The following AGRN variants were observed in gnomAD, a reference collection of about 807,000 sequenced individuals.
AGRN encodes agrin proteoglycan.
AGRN carries 106 observed loss-of-function variants against 211.0 expected under a neutral mutation model. The observed-to-expected ratio is 0.50, with a 90% CI of 0.43 to 0.59. AGRN has a LOEUF of 0.59. AGRN is among the 20% of genes least tolerant of loss of function. The pLI, the probability that AGRN is intolerant of heterozygous loss-of-function variation, is 0.00. For synonymous variants in AGRN, 1,525 were observed against 1,332.5 expected (o/e 1.14, Z -3.15); for missense variants, 3,040 against 2,982.6 (o/e 1.02, Z -0.45).
At position 1,048,850 on chromosome 1, in the gene AGRN, C is replaced by A; in HGVS notation, c.4106-17C>A. On this transcript the variant is annotated splice_polypyrimidine_tract_variant and intron_variant, in intron 23 of 35. Coordinates refer to ENST00000379370, the MANE Select transcript of AGRN (RefSeq NM_198576.4). This position sits in a 1 kb window ranked among gnomAD's most constrained non-coding sequence, Gnocchi z 5.9. ...CTCGGAGCTTTTCCAGCCGGCCCTC[C>A]CGGTCGCCCTTTGCAGTGCTTGGCG... is the stretch of plus-strand genomic sequence containing the variant. 1 of 1,525,528 alleles carries A rather than the reference C, an allele frequency of 6.6e-7. No homozygotes were observed. The allele number at this position is 1,525,528 out of a possible 1,614,324, so 94.5% of individuals were successfully genotyped here.
chr1:1,035,165 G>C lies in AGRN; in HGVS notation c.464-112G>C, dbSNP rs567725793. ...TCAGCAGCCTGGATCCCTGGGGCTAGCGGTGGGGGGGGGGGGGTGGGCAGG... is the reference window on the plus strand; with the variant it reads ...TCAGCAGCCTGGATCCCTGGGGCTACCGGTGGGGGGGGGGGGGTGGGCAGG... On this transcript the variant is annotated intron_variant, in intron 2 of 35. Coordinates refer to ENST00000379370, the MANE Select transcript of AGRN (RefSeq NM_198576.4). The C allele has an allele frequency of 4.3e-4, 495 of 1,159,512 alleles. 1 individual carries two copies. In the South Asian group the frequency reaches 4.3e-3, roughly 10 times the overall value. The allele number at this position is 1,159,512 out of a possible 1,614,324, so 71.8% of individuals were successfully genotyped here.
chr1:1,036,376 G>A (rs1308539666), intron 3 of AGRN, among the ~76,000 whole-genome samples: 6 of 152,230 alleles, frequency 3.9e-5, no homozygotes, highest in East Asian at 1.9e-4. Context: ...GTCTTCCCTC[G>A]GAGTGTGGAG....
rs777677036 is a variant in AGRN, at chr1:1,043,645, G to C, written c.1711G>C (p.Gly571Arg). 1 of 1,602,190 alleles carries C rather than the reference G, an allele frequency of 6.2e-7. No individual in the cohort carries two copies. Among genetic ancestry groups the C allele is most frequent in the South Asian group, 1.1e-5 (1 of 91,062 alleles). The change falls in exon 9 of 36, where the codon GGG becomes CGG. Residue 571 changes from glycine (G) to arginine (R), a missense_variant. By Grantham distance (125) the Gly-to-Arg change is moderately radical. Around this residue, in one of 3 missense-constraint regions of AGRN, gnomAD observed 1,498 missense variants for 1,457.8 expected, o/e 1.03. Transcript: ENST00000379370. ...GGCCCAGCCCGTGTGTGGCTCCGAC[G>C]GGCACACGTACCCCAGCGAGTGCAT... is the stretch of plus-strand genomic sequence containing the variant. Reference protein sequence around the residue: ...ALAQPVCGSDGHTYPSECMLH... With the variant: ...ALAQPVCGSDRHTYPSECMLH...
In AGRN at chr1:1,050,704, TCA is replaced by T; in HGVS notation, c.5142-20_5142-19del. On this transcript the variant is annotated intron_variant, in intron 29 of 35. Transcript: ENST00000379370. ...GTGGCCGGTGGTGGACAGAGCCCAC[TCA>T]CGCTGCCCCTCCTCACCAGGAGCAG... The T allele has an allele frequency of 6.2e-7, 1 of 1,600,172 alleles. No homozygotes were observed.
chr1:1,043,812 G>A lies in AGRN; in HGVS notation c.1799-11G>A. The stretch of plus-strand genomic sequence containing the variant: ...GGCCTGCCGACCCCTGCCTGGCTCT[G>A]TCTCCTGCAGAGACCTGTGGAGATG... On this transcript the variant is annotated splice_polypyrimidine_tract_variant and intron_variant, in intron 9 of 35. Coordinates refer to ENST00000379370, the MANE Select transcript of AGRN (RefSeq NM_198576.4). 6.2e-7 allele frequency: 1 copy of A among 1,610,126 alleles called. No homozygotes were observed. The highest frequency in any genetic ancestry group is 1.3e-5 in the African/African-American group (1 of 75,006).
At chr1:1,051,023 G>C (rs755487393) in intron 30 of AGRN, 186 bp downstream of exon 30, 1 of 1,549,238 alleles carries the variant, frequency 6.5e-7, no homozygotes, top group South Asian at 1.2e-5. Flanking sequence ...CCCGCTCTTC[G>C]GAGGCCAGAA....
intron 20 of AGRN, 26 bp from the exon 21 acceptor site, chr1:1,047,546 CA>C: frequency 3.1e-6 from 5 of 1,612,512 alleles, no homozygotes; most frequent in Non-Finnish European, 4.2e-6. Context: ...GGCGGCCCCC[CA>C]AGTCCTTGCC....
intron 7 of AGRN, among the ~76,000 whole-genome samples, 159 bp from the exon 8 acceptor site, chr1:1,043,080 C>G (rs1441212371): frequency 6.6e-6 from 1 of 152,140 alleles, no homozygotes; most frequent in Non-Finnish European, 1.5e-5. Context: ...GTGTCTGTCC[C>G]TTTCTCTGCC....
In AGRN at chr1:1,044,012, C is replaced by T. The variant is rs765859140; in HGVS notation, c.1988C>T (p.Pro663Leu). 38 of 1,608,630 alleles carry T rather than the reference C, an allele frequency of 2.4e-5. No individual in the cohort carries two copies. The highest frequency in any genetic ancestry group is 6.6e-5 in the South Asian group (6 of 90,950). The change falls in exon 10 of 36, where the codon CCG (proline) becomes CTG (leucine). Residue 663 changes from proline (P) to leucine (L), a missense_variant. Physicochemically the swap from Pro to Leu is moderately conservative, Grantham distance 98 (BLOSUM62 -3). This residue lies in a region of AGRN where 1,498 missense variants were observed against 1,457.8 expected (regional missense o/e 1.03). Transcript: ENST00000379370. ...QTQIEEARAGPCEQAECGSGG... is the reference protein window; with the variant it reads ...QTQIEEARAGLCEQAECGSGG... ...CAGATCGAGGAGGCCCGGGCAGGGC[C>T]GTGCGAGCAGGGTAGGCCGGGGGAC...
rs1171417907 is a variant in AGRN at position 1,040,877 on chromosome 1, T to A, written c.724T>A (p.Cys242Ser). The A allele has an allele frequency of 1.3e-6, 2 of 1,505,900 alleles. No homozygotes were observed. Among genetic ancestry groups the A allele is most frequent in the South Asian group, 2.5e-5 (2 of 81,308 alleles). The allele number at this position is 1,505,900 out of a possible 1,614,324, so 93.3% of individuals were successfully genotyped here. A position where few individuals can be genotyped will look rare whatever the true frequency, so the allele number is the denominator to read the frequency against. ...RRIRLLSRGP[C>S]GSRDPCSNVT... ...CATCCGCCTGCTCAGCCGCGGGCCGTGCGGTGAGCGGGGCGGGGCCGGTGC... is the reference window on the plus strand; with the variant it reads ...CATCCGCCTGCTCAGCCGCGGGCCGAGCGGTGAGCGGGGCGGGGCCGGTGC... The change falls in exon 4 of 36, where the codon TGC becomes AGC. Residue 242 changes from cysteine to serine, a missense_variant. By Grantham distance (112) the Cys-to-Ser change is moderately radical (BLOSUM62 -1). Transcript: ENST00000379370.
At chr1:1,049,852 C>T (rs779340762) in intron 26 of AGRN, 51 bp from the exon 27 acceptor site, 1 of 1,611,242 alleles carries the variant, frequency 6.2e-7, no homozygotes, top group East Asian at 2.2e-5. Context: ...GGGCGGTACC[C>T]AACCGACGCC....
rs1570205843 is a variant in AGRN, at chr1:1,043,417, C to T, written c.1563C>T (p.Thr521=). The T allele has an allele frequency of 3.1e-6, 5 of 1,607,972 alleles. No homozygotes were observed. The highest frequency in any genetic ancestry group is 1.7e-5 in the Admixed American group (1 of 59,294). The change falls in exon 8 of 36, where the codon ACC becomes ACT. Residue 521 remains threonine, a synonymous_variant. Coordinates refer to ENST00000379370, the MANE Select transcript of AGRN (RefSeq NM_198576.4). ...SACELEATAC[T]LGREIQVARK... ...GCGAGCTGGAGGCCACGGCCTGTAC[C>T]CTCGGGCGGGAGATCCAGGTGGCGC...
At chr1:1,028,040 C>T (rs1042329066) in intron 2 of AGRN, among the ~76,000 whole-genome samples, 3 of 152,192 alleles carry the variant, frequency 2.0e-5, no homozygotes, top group African/African-American at 7.2e-5. Context: ...GAGCAGGGCT[C>T]ACCATGACCT....
chr1:1,041,424 C>A, intron 5 of AGRN, 27 bp downstream of exon 5: 1 of 1,547,722 alleles, frequency 6.5e-7, no homozygotes, highest in Non-Finnish European at 8.7e-7. Context: ...GCGCACGGCT[C>A]GAGCTCTGTG....
In AGRN at chr1:1,020,250, A is replaced by G. The variant is rs1404384951; in HGVS notation, c.78A>G (p.Gly26=). 2 of 1,455,508 alleles carry G rather than the reference A, an allele frequency of 1.4e-6. No homozygotes were observed. The highest frequency in any genetic ancestry group is 1.8e-6 in the Non-Finnish European group (2 of 1,103,734). 90.2% of individuals were successfully genotyped at this position (1,455,508 alleles called of 1,614,324 possible). A position where few individuals can be genotyped will look rare whatever the true frequency, so the allele number is the denominator to read the frequency against. The change falls in exon 1 of 36, where the codon GGA becomes GGG. Residue 26 remains glycine (G), a synonymous_variant. Transcript: ENST00000379370. ...TGGTGGCCGCGTGCGTCCTGCCCGG[A>G]GCCGGCGGGACATGCCCGGAGCGCG... ...LLVVAACVLP[G]AGGTCPERAL... is the part of the protein sequence containing the mutation.
In AGRN at chr1:1,047,852, G is replaced by A. The variant is rs770116639; in HGVS notation, c.3708G>A (p.Gly1236=). Residue 1236 remains glycine, a synonymous_variant, in exon 22 of 36, where the codon GGG becomes GGA. Coordinates refer to ENST00000379370, the MANE Select transcript of AGRN (RefSeq NM_198576.4). ...QIQVSRRRSL[G]VRRPLQEHVR... is the part of the protein sequence containing the mutation. The stretch of plus-strand genomic sequence containing the variant: ...AGGTGTCCAGGCGCCGGTCCTTGGG[G>A]GTGAGGCGGCCGCTGCAGGAGCACG... 6 of 1,606,094 alleles carry A rather than the reference G, an allele frequency of 3.7e-6. No individual in the cohort carries two copies. The highest frequency in any genetic ancestry group is 5.1e-6 in the Non-Finnish European group (6 of 1,177,176).
At chr1:1,025,014 G>T (rs963706253) in intron 2 of AGRN, among the ~76,000 whole-genome samples, 2 of 152,098 alleles carry the variant, frequency 1.3e-5, no homozygotes, top group East Asian at 1.9e-4. Flanking sequence ...TCTGGGCACT[G>T]CCCATGCCCT....
At chr1:1,020,394 G>T in intron 1 of AGRN, 21 bp downstream of exon 1, 1 of 1,488,512 alleles carries the variant, frequency 6.7e-7, no homozygotes. Context: ...CCGGACCCCG[G>T]CCTCCCCTCG....
chr1:1,040,858 C>G lies in AGRN; in HGVS notation c.705C>G (p.Arg235=), dbSNP rs1233146499. The part of the protein sequence containing the change: ...RAQCSQQRRI[R]LLSRGPCGSR... Reference sequence around the variant, plus strand: ...AGTGCAGCCAGCAGCGCCGCATCCGCCTGCTCAGCCGCGGGCCGTGCGGTG... The same window carrying G: ...AGTGCAGCCAGCAGCGCCGCATCCGGCTGCTCAGCCGCGGGCCGTGCGGTG... The change falls in exon 4 of 36, where the codon CGC becomes CGG. Residue 235 remains arginine (R), a synonymous_variant. Transcript: ENST00000379370. 2 of 1,528,784 alleles carry G rather than the reference C, an allele frequency of 1.3e-6. No homozygotes were observed. The highest frequency in any genetic ancestry group is 1.7e-6 in the Non-Finnish European group (2 of 1,144,318). The allele number at this position is 1,528,784 out of a possible 1,614,324, so 94.7% of individuals were successfully genotyped here. A position where few individuals can be genotyped will look rare whatever the true frequency, so the allele number is the denominator to read the frequency against.
Sources: allele counts gnomAD v4.1 joint callset (sites outside exome capture counted in the v4.1 genomes callset), GRCh38; gene constraint gnomAD v4.1.1; regional missense constraint gnomAD v4.1.1; non-coding constraint Gnocchi (gnomAD v3.1); transcripts MANE v1.5; gene names NCBI Gene and HGNC (gene_info 2026-07-23, HGNC 2026-07-21).